The following CLEC16A variants were observed in gnomAD, a reference collection of about 807,000 sequenced individuals.
The protein encoded by CLEC16A is protein CLEC16A.
Under a neutral mutation model 109.5 loss-of-function variants are expected in CLEC16A, and 51 were observed. That is an observed-to-expected ratio of 0.47 (90% CI 0.37 to 0.59). CLEC16A has a LOEUF of 0.59. CLEC16A is among the 20% of genes least tolerant of loss of function. The pLI is 0.00. For synonymous variants in CLEC16A, 673 were observed against 564.2 expected (o/e 1.19, Z -2.73); for missense variants, 1,339 against 1,394.0 (o/e 0.96, Z 0.63).
At chr16:10,994,449 A>G (rs987769010) in intron 10 of CLEC16A, among the ~76,000 whole-genome samples, 10 of 152,162 alleles carry the variant, frequency 6.6e-5, no homozygotes, top group Non-Finnish European at 1.5e-4. Flanking sequence ...TGCTGCACTC[A>G]TCACCCGGCT....
chr16:11,108,484 C>T (rs2152996731), intron 19 of CLEC16A, among the ~76,000 whole-genome samples: 1 of 152,360 alleles, frequency 6.6e-6, no homozygotes, highest in Middle Eastern at 3.4e-3. Flanking sequence ...CAGAACCAGC[C>T]AACATCTCCC....
rs185427109 is a variant in CLEC16A, at chr16:11,085,198, T to A, written c.2116+24176T>A. ...AGACGAGGCCATGAAGCCCCCACCCTGGGTTCCAGGAGGATCACGGGAAGG... is the reference window on the plus strand; with the variant it reads ...AGACGAGGCCATGAAGCCCCCACCCAGGGTTCCAGGAGGATCACGGGAAGG... On this transcript the variant is annotated intron_variant, in intron 19 of 23. Transcript: ENST00000409790. Among the ~76,000 whole-genome samples the A allele has an allele frequency of 3.9e-5, 6 of 152,346 alleles. No homozygotes were observed. In the East Asian group the frequency reaches 1.2e-3, roughly 29 times the overall value.
chr16:10,969,538 G>A (rs577624492), intron 4 of CLEC16A, among the ~76,000 whole-genome samples: 1 of 152,128 alleles, frequency 6.6e-6, no homozygotes, highest in East Asian at 1.9e-4. Flanking sequence ...TGTAGAGACA[G>A]GGTCTTACTA....
chr16:11,066,125 G>T (rs543379532), intron 19 of CLEC16A, among the ~76,000 whole-genome samples: 1 of 152,066 alleles, frequency 6.6e-6, no homozygotes, highest in East Asian at 1.9e-4. Flanking sequence ...TACCTTAAGG[G>T]AACTGAGTCT....
intron 19 of CLEC16A, among the ~76,000 whole-genome samples, chr16:11,063,635 C>T (rs779231415): frequency 2.6e-5 from 4 of 152,096 alleles, no homozygotes; most frequent in Non-Finnish European, 2.9e-5. Context: ...TAAGAAACAA[C>T]AGCGTAAAGG....
At position 11,107,108 on chromosome 16, in the gene CLEC16A, C is replaced by T. The variant is rs369064759; in HGVS notation, c.2117-13507C>T. The stretch of plus-strand genomic sequence containing the variant: ...CATCAGTGTGGCACCTGTAGTGGGA[C>T]GCCCAGTGAACAGCTCAAACCTTAA... On this transcript the variant is annotated intron_variant, in intron 19 of 23. Transcript: ENST00000409790. Among the ~76,000 whole-genome samples the T allele has an allele frequency of 8.7e-4, 133 of 152,328 alleles. 2 individuals carry two copies. The South Asian group carries it at 0.02, about 23-fold the overall frequency.
chr16:11,119,563 T>G (rs1425335208), intron 19 of CLEC16A, among the ~76,000 whole-genome samples: 1 of 152,122 alleles, frequency 6.6e-6, no homozygotes, highest in Non-Finnish European at 1.5e-5. Flanking sequence ...ACTAATTTTT[T>G]GCATTTTTTG....
chr16:11,126,404 C>A, intron 22 of CLEC16A: 1 of 1,428,074 alleles, frequency 7.0e-7, no homozygotes, highest in Non-Finnish European at 9.1e-7. Flanking sequence ...TCAGAATTGA[C>A]TAAGAATTTT....
intron 23 of CLEC16A, among the ~76,000 whole-genome samples, chr16:11,168,936 C>A (rs1201634844): frequency 6.6e-6 from 1 of 152,214 alleles, no homozygotes; most frequent in Non-Finnish European, 1.5e-5. Flanking sequence ...GTGGCTCGCT[C>A]ACCCAACTTT....
chr16:11,136,274 A>G (rs1399592580), intron 22 of CLEC16A: 1 of 152,200 alleles, frequency 6.6e-6, no homozygotes, highest in African/African-American at 2.4e-5. Flanking sequence ...TAAGAACTGA[A>G]CTGTACTCTT....
Position 11,173,296 on chromosome 16 carries a change from A to C in CLEC16A, c.2807-5039A>C, listed in dbSNP as rs1356279513. Among the ~76,000 whole-genome samples the C allele has an allele frequency of 3.3e-5, 5 of 152,154 alleles. 1 individual carries two copies. Among genetic ancestry groups the C allele is most frequent in the Admixed American group, 3.3e-4 (5 of 15,280 alleles). On this transcript the variant is annotated intron_variant, in intron 23 of 23. Coordinates refer to ENST00000409790, the MANE Select transcript of CLEC16A (RefSeq NM_015226.3). ...TTCGCCGTTTTTCAGTGTATAGTCCAGTGGCATCTAAGGACCTTCACATTG... is the reference window on the plus strand; with the variant it reads ...TTCGCCGTTTTTCAGTGTATAGTCCCGTGGCATCTAAGGACCTTCACATTG...
intron 1 of CLEC16A, among the ~76,000 whole-genome samples, chr16:10,951,507 G>A (rs1184485109): frequency 1.3e-5 from 2 of 152,038 alleles, no homozygotes; most frequent in African/African-American, 4.8e-5. Context: ...TGTAATCATG[G>A]GGTCTGGAGT....
intron 22 of CLEC16A, among the ~76,000 whole-genome samples, chr16:11,141,212 T>C (rs2053810292): frequency 6.6e-6 from 1 of 152,172 alleles, no homozygotes; most frequent in African/African-American, 2.4e-5. Context: ...CTGCCAGCCA[T>C]ATGGACAGCA....
chr16:11,123,207 C>A (rs2052561401), intron 20 of CLEC16A, among the ~76,000 whole-genome samples: 1 of 152,070 alleles, frequency 6.6e-6, no homozygotes, highest in South Asian at 2.1e-4. Flanking sequence ...CAGCCCCTGT[C>A]CCTTTCTCAG....
chr16:11,019,850 T>G (rs2045990204), intron 11 of CLEC16A, among the ~76,000 whole-genome samples: 1 of 152,034 alleles, frequency 6.6e-6, no homozygotes, highest in South Asian at 2.1e-4. Flanking sequence ...ACATGTCATA[T>G]CTTCTCAGCT....
At chr16:11,098,398 G>A (rs763195744) in intron 19 of CLEC16A, among the ~76,000 whole-genome samples, 59 of 152,226 alleles carry the variant, frequency 3.9e-4, no homozygotes, top group Admixed American at 3.9e-4. Context: ...CTGCTACCAG[G>A]TATTTGCATC....
chr16:11,033,741 G>T (rs989911313), intron 13 of CLEC16A, among the ~76,000 whole-genome samples: 2 of 152,128 alleles, frequency 1.3e-5, no homozygotes, highest in Admixed American at 1.3e-4. Flanking sequence ...TGTGAGCTCA[G>T]GCCTTCCAGT....
In CLEC16A at chr16:11,180,269, G is replaced by T. The variant is rs200755190; in HGVS notation, c.*1579G>T. On this transcript the variant is annotated 3_prime_UTR_variant, in exon 24 of 24. Coordinates refer to ENST00000409790, the MANE Select transcript of CLEC16A (RefSeq NM_015226.3). ...GAAGGAAACACAGTCCTGCCAAGGA[G>T]GGGGAGTGGCGCCCATGGGGACAGG... The T allele has an allele frequency of 1.3e-5, 2 of 152,430 alleles. No individual in the cohort carries two copies. The highest frequency in any genetic ancestry group is 1.9e-4 in the East Asian group (1 of 5,204). The allele number at this position is 152,430 out of a possible 1,614,324, so 9.4% of individuals were successfully genotyped here.
chr16:10,952,426 G>A lies in CLEC16A; in HGVS notation c.81-5356G>A, dbSNP rs550696068. Among the ~76,000 whole-genome samples the A allele has an allele frequency of 1.4e-4, 21 of 152,270 alleles. No homozygotes were observed. In the South Asian group the frequency reaches 4.2e-3, roughly 30 times the overall value. On this transcript the variant is annotated intron_variant, in intron 1 of 23. Coordinates refer to ENST00000409790, the MANE Select transcript of CLEC16A (RefSeq NM_015226.3). ...GGAGAATCGCCTGAACCTAAGAGGC[G>A]GAGGCCGCAGTGAGCCAAGATCACG... is the stretch of plus-strand genomic sequence containing the variant.
Sources: gnomAD v4.1 joint callset for allele counts (sites outside exome capture counted in the v4.1 genomes callset) on GRCh38, gnomAD v4.1.1 for gene constraint, MANE v1.5 for transcripts, NCBI Gene and HGNC (gene_info 2026-07-23, HGNC 2026-07-21) for gene names.